Variants in TUB observed in about 807,000 individuals in gnomAD.
The protein encoded by TUB is TUB bipartite transcription factor.
TUB carries 33 observed loss-of-function variants against 59.7 expected under a neutral mutation model. That is an observed-to-expected ratio of 0.55 (90% CI 0.42 to 0.74). The LOEUF (loss-of-function observed/expected upper bound fraction) is 0.74, where lower values mean the gene tolerates loss of function less well. TUB is among the 30% of genes least tolerant of loss of function. TUB has a pLI of 0.00. For missense variants in TUB, 659 were observed against 672.0 expected (o/e 0.98, Z 0.21); for synonymous variants, 293 against 256.4 (o/e 1.14, Z -1.36).
chr11:8,097,477 C>T (rs779991861), intron 7 of TUB, 52 bp downstream of exon 7: 5 of 1,608,266 alleles, frequency 3.1e-6, no homozygotes, highest in Non-Finnish European at 4.3e-6. Flanking sequence ...CCTTTGAAAT[C>T]CTAGGGGCTG....
chr11:8,038,718 G>T (rs967262839), exon 1 of TUB: 19 of 1,485,836 alleles, frequency 1.3e-5, no homozygotes, highest in Admixed American at 7.0e-5. Flanking sequence ...GGGTGATGGT[G>T]GTTGTTAGTC....
chr11:8,096,512 G>A (rs1184366074), intron 5 of TUB, among the ~76,000 whole-genome samples, 173 bp from the exon 6 acceptor site: 11 of 152,170 alleles, frequency 7.2e-5, no homozygotes, highest in Admixed American at 5.9e-4. Context: ...GACATGTGTG[G>A]GAATATATGT....
Position 8,103,874 on chromosome 11 carries a change from C to A in TUB, c.*2255C>A, listed in dbSNP as rs991397930. ...GGTGGCAGTGGAAAAATCAGAAGCA[C>A]AAAGGAAAACTCTTGGCCTCTGCTT... On this transcript the variant is annotated 3_prime_UTR_variant, in exon 12 of 12. Coordinates refer to ENST00000299506, the MANE Select transcript of TUB (RefSeq NM_177972.3). 3.3e-5 allele frequency: 5 copies of A among 152,264 alleles called. No homozygotes were observed. Among genetic ancestry groups the A allele is most frequent in the Non-Finnish European group, 7.3e-5 (5 of 68,032 alleles). 9.4% of individuals were successfully genotyped at this position (152,264 alleles called of 1,614,324 possible). A position where few individuals can be genotyped will look rare whatever the true frequency, so the allele number is the denominator to read the frequency against.
chr11:8,097,103 G>T, intron 6 of TUB, 125 bp from the exon 7 acceptor site: 1 of 1,101,148 alleles, frequency 9.1e-7, no homozygotes, highest in Non-Finnish European at 1.3e-6. Flanking sequence ...GGCTGGCCAG[G>T]CCCCAATCCC....
rs1038264746 is a variant in TUB, at chr11:8,050,088, A to G, written c.203+10396A>G. Among the ~76,000 whole-genome samples, 9 of 152,316 alleles carry G rather than the reference A, an allele frequency of 5.9e-5. No individual in the cohort carries two copies. In the South Asian group the frequency reaches 1.7e-3, roughly 28 times the overall value. On this transcript the variant is annotated intron_variant, in intron 2 of 12. Coordinates refer to the TUB transcript ENST00000305253. The stretch of plus-strand genomic sequence containing the variant: ...ATTTATATAAGTGGGATAATTTATT[A>G]TCTACTCTTTGAGGCTGGTTTATTT...
intron 2 of TUB, among the ~76,000 whole-genome samples, chr11:8,060,787 G>A (rs1031324011): frequency 3.6e-4 from 55 of 152,204 alleles, no homozygotes; most frequent in Admixed American, 7.2e-4. Flanking sequence ...ACTGTTGTAC[G>A]TATTTGGGGT....
intron 1 of TUB, among the ~76,000 whole-genome samples, chr11:8,088,642 G>C (rs1943712407): frequency 6.6e-6 from 1 of 152,234 alleles, no homozygotes; most frequent in African/African-American, 2.4e-5. Context: ...GGCTTCCCCA[G>C]AGCTCAGATC....
chr11:8,046,139 TCTTC>T (rs1942828612), intron 2 of TUB, among the ~76,000 whole-genome samples: 1 of 152,182 alleles, frequency 6.6e-6, no homozygotes, highest in South Asian at 2.1e-4. Context: ...ACTCTCTAGC[TCTTC>T]CTTCTGGAAA....
At chr11:8,073,803 G>A (rs1180218218) in intron 2 of TUB, among the ~76,000 whole-genome samples, 2 of 152,212 alleles carry the variant, frequency 1.3e-5, no homozygotes, top group Admixed American at 6.5e-5. Flanking sequence ...GACTTGCTGG[G>A]AACAGAACCT....
intron 2 of TUB, among the ~76,000 whole-genome samples, chr11:8,069,603 T>G (rs1943321234): frequency 6.6e-6 from 1 of 152,232 alleles, no homozygotes; most frequent in Non-Finnish European, 1.5e-5. Context: ...ATGTCTTTTA[T>G]TTTCCTATCT....
intron 2 of TUB, among the ~76,000 whole-genome samples, chr11:8,052,697 G>A (rs1434657262): frequency 6.6e-5 from 10 of 152,046 alleles, no homozygotes; most frequent in Admixed American, 5.2e-4. Context: ...GGATGATCTC[G>A]ATCTCCTGAC....
At chr11:8,023,437 GCTC>G (rs780904906) in intron 1 of TUB, among the ~76,000 whole-genome samples, 6 of 152,254 alleles carry the variant, frequency 3.9e-5, no homozygotes, top group African/African-American at 7.2e-5. Flanking sequence ...ATGCCAAAGT[GCTC>G]CTCTTTTCCA....
chr11:8,049,294 C>T (rs200231158), intron 2 of TUB, among the ~76,000 whole-genome samples: 1 of 152,150 alleles, frequency 6.6e-6, no homozygotes, highest in African/African-American at 2.4e-5. Context: ...AGCTCAGACC[C>T]CATGGTGTGT....
intron 1 of TUB, among the ~76,000 whole-genome samples, chr11:8,026,624 G>A (rs1238346785): frequency 6.6e-6 from 1 of 152,066 alleles, no homozygotes; most frequent in Non-Finnish European, 1.5e-5. Context: ...TGATCTATGT[G>A]TCTTTATTGA....
intron 2 of TUB, among the ~76,000 whole-genome samples, chr11:8,046,218 C>G (rs939305642): frequency 1.3e-5 from 2 of 152,196 alleles, no homozygotes; most frequent in African/African-American, 4.8e-5. Flanking sequence ...TCCTCAGGAT[C>G]ATTGCCTTGC....
chr11:8,089,620 G>A lies in TUB; in HGVS notation c.49G>A (p.Asp17Asn). The A allele has an allele frequency of 1.2e-6, 2 of 1,614,206 alleles. No homozygotes were observed. The highest frequency in any genetic ancestry group is 1.7e-6 in the Non-Finnish European group (2 of 1,180,034). ...SDWIPYSVLD[D>N]EGRNLRQQKL... ...TCTTTCGCTCTGCAGTGTCTTAGAT[G>A]ATGAGGGCAGAAACCTGAGGCAGCA... The change falls in exon 2 of 12, where the codon GAT (aspartate) becomes AAT (asparagine). Residue 17 changes from aspartate to asparagine, a missense_variant. This residue lies in a region of TUB where 321 missense variants were observed against 304.3 expected (regional missense o/e 1.05). Coordinates refer to ENST00000299506, the MANE Select transcript of TUB (RefSeq NM_177972.3).
intron 1 of TUB, among the ~76,000 whole-genome samples, chr11:8,025,853 A>G (rs1343276015): frequency 1.3e-5 from 2 of 152,382 alleles, no homozygotes; most frequent in African/African-American, 4.8e-5. Flanking sequence ...GCTGAATCAT[A>G]TAATAGGTCT....
At chr11:8,055,928 A>G (rs1365503434) in intron 2 of TUB, among the ~76,000 whole-genome samples, 1 of 152,184 alleles carries the variant, frequency 6.6e-6, no homozygotes, top group Admixed American at 6.5e-5. Context: ...GCCTGGGCTC[A>G]GCGTTCACTG....
intron 2 of TUB, among the ~76,000 whole-genome samples, chr11:8,065,946 C>T (rs548774236): frequency 1.3e-5 from 2 of 152,292 alleles, no homozygotes; most frequent in South Asian, 2.1e-4. Flanking sequence ...GCAGACACTC[C>T]TCTTGCCCTC....
Sources: allele counts gnomAD v4.1 joint callset (sites outside exome capture counted in the v4.1 genomes callset), GRCh38; gene constraint gnomAD v4.1.1; regional missense constraint gnomAD v4.1.1; transcripts MANE v1.5; gene names NCBI Gene and HGNC (gene_info 2026-07-23, HGNC 2026-07-21).